Variants in SHC3 observed in about 807,000 individuals in gnomAD.
SHC3 encodes the protein SHC-transforming protein 3.
In SHC3, 15 loss-of-function variants were observed where a neutral mutation model predicts 60.4. The ratio of observed to expected loss-of-function variants is 0.25; its 90% CI spans 0.17 to 0.38. SHC3 has a LOEUF of 0.38. Among genes scored for constraint, SHC3 ranks in the 10% least tolerant of loss-of-function variants. The pLI, the probability that SHC3 is intolerant of heterozygous loss-of-function variation, is 1.00. For missense variants in SHC3, 677 were observed against 786.1 expected, an observed-to-expected ratio of 0.86 and a Z score of 1.66; for synonymous variants, 294 against 325.9, an observed-to-expected ratio of 0.90 and a Z score of 1.05.
At chr9:89,046,817 A>C in intron 8 of SHC3, 27 bp downstream of exon 8, 1 of 1,489,654 alleles carries the variant, frequency 6.7e-7, no homozygotes, top group Non-Finnish European at 8.9e-7. Context: ...TCCATTCCTT[A>C]TATAAGAAAA....
At chr9:89,037,840 A>T (rs184440876) in intron 11 of SHC3, among the ~76,000 whole-genome samples, 153 bp downstream of exon 11, 21 of 152,316 alleles carry the variant, frequency 1.4e-4, no homozygotes, top group Non-Finnish European at 2.5e-4. Flanking sequence ...TGGCCTGATG[A>T]CAGGAGTTGT....
intron 2 of SHC3, among the ~76,000 whole-genome samples, chr9:89,091,586 T>C (rs907305926): frequency 1.3e-5 from 2 of 152,222 alleles, no homozygotes; most frequent in African/African-American, 4.8e-5. Flanking sequence ...ATGGATGCAC[T>C]CTAATAAAAC....
At chr9:89,040,586 C>T (rs1410162377) in intron 10 of SHC3, among the ~76,000 whole-genome samples, 1 of 152,166 alleles carries the variant, frequency 6.6e-6, no homozygotes, top group Non-Finnish European at 1.5e-5. Flanking sequence ...TCTAACCAGA[C>T]ATGGAACTAT....
At chr9:89,081,613 C>G (rs117426627) in intron 2 of SHC3, among the ~76,000 whole-genome samples, 1 of 152,082 alleles carries the variant, frequency 6.6e-6, no homozygotes, top group African/African-American at 2.4e-5. Context: ...GAATATCCCA[C>G]CCCCCTAGTC....
At chr9:89,117,360 AT>A (rs1206237583) in intron 1 of SHC3, among the ~76,000 whole-genome samples, 1 of 152,120 alleles carries the variant, frequency 6.6e-6, no homozygotes, top group East Asian at 1.9e-4. Flanking sequence ...AAAGTAACTC[AT>A]TTTGTTTTAG....
chr9:89,048,037 A>G (rs1346491989), intron 7 of SHC3, among the ~76,000 whole-genome samples: 3 of 152,160 alleles, frequency 2.0e-5, no homozygotes, highest in African/African-American at 7.2e-5. Flanking sequence ...TGAGGTCAGG[A>G]GTTCAAGACC....
intron 11 of SHC3, among the ~76,000 whole-genome samples, chr9:89,026,299 C>T (rs1826300783): frequency 6.7e-6 from 1 of 150,194 alleles, no homozygotes. Flanking sequence ...GAAACATCTA[C>T]AGTCTTTTCT....
At chr9:89,122,213 A>G (rs1408774148) in intron 1 of SHC3, among the ~76,000 whole-genome samples, 1 of 152,240 alleles carries the variant, frequency 6.6e-6, no homozygotes, top group Non-Finnish European at 1.5e-5. Flanking sequence ...CAGAACAGCA[A>G]TACCATTGCA....
rs541512815 is a variant in SHC3 at position 89,048,160 on chromosome 9, C to A, written c.963-1166G>T. On this transcript the variant is annotated intron_variant, in intron 7 of 11. Coordinates refer to ENST00000375835, the MANE Select transcript of SHC3 (RefSeq NM_016848.6). ...TCGGGAGGCTGAGACGAGAGAATTG[C>A]TTGAACCCGGGAGGTGGATGTTGCA... Among the ~76,000 whole-genome samples the A allele has an allele frequency of 3.3e-5, 5 of 150,810 alleles. No homozygotes were observed. In the East Asian group the frequency reaches 9.9e-4, roughly 30 times the overall value.
intron 6 of SHC3, among the ~76,000 whole-genome samples, chr9:89,062,269 T>C (rs928126909): frequency 2.0e-5 from 3 of 152,190 alleles, no homozygotes; most frequent in Admixed American, 2.0e-4. Flanking sequence ...TTGTTGGGAA[T>C]TGCATCCCTA....
intron 1 of SHC3, among the ~76,000 whole-genome samples, chr9:89,152,232 C>T (rs1826555420): frequency 6.6e-6 from 1 of 152,216 alleles, no homozygotes; most frequent in African/African-American, 2.4e-5. Flanking sequence ...GGAGAATCCA[C>T]AGTCCTGTGA....
chr9:89,051,025 T>C (rs1225782668), intron 7 of SHC3, among the ~76,000 whole-genome samples: 1 of 152,130 alleles, frequency 6.6e-6, no homozygotes, highest in Non-Finnish European at 1.5e-5. Flanking sequence ...CCAAAATGAA[T>C]GTCTTAAACG....
chr9:89,124,222 A>G (rs1389771918), intron 1 of SHC3, among the ~76,000 whole-genome samples: 1 of 152,224 alleles, frequency 6.6e-6, no homozygotes, highest in Non-Finnish European at 1.5e-5. Flanking sequence ...AGAAATAGGA[A>G]CACTTTCACA....
At chr9:89,076,927 C>T (rs139363501) in intron 3 of SHC3, among the ~76,000 whole-genome samples, 286 of 152,094 alleles carry the variant, frequency 1.9e-3, no homozygotes, top group Middle Eastern at 0.01. Flanking sequence ...ACCTGTAATC[C>T]CAACACTTTG....
chr9:89,044,709 G>C (rs552979104), intron 9 of SHC3, among the ~76,000 whole-genome samples: 1 of 152,318 alleles, frequency 6.6e-6, no homozygotes, highest in East Asian at 1.9e-4. Context: ...AGAGAATAAA[G>C]ACTTATGTGA....
chr9:89,143,807 G>A (rs946552140), intron 1 of SHC3, among the ~76,000 whole-genome samples: 9 of 152,068 alleles, frequency 5.9e-5, no homozygotes, highest in African/African-American at 9.7e-5. Flanking sequence ...GGCCTTTTTC[G>A]GGGTTAGTGT....
chr9:89,031,263 C>G (rs1424399800), intron 11 of SHC3, among the ~76,000 whole-genome samples: 1 of 152,186 alleles, frequency 6.6e-6, no homozygotes. Context: ...ACACCACATT[C>G]ATTTAAGGTG....
At chr9:89,056,333 G>A (rs57846626) in intron 6 of SHC3, among the ~76,000 whole-genome samples, 1 of 152,074 alleles carries the variant, frequency 6.6e-6, no homozygotes, top group African/African-American at 2.4e-5. Context: ...TGCAACCTCA[G>A]CCTCCTGGGT....
intron 6 of SHC3, among the ~76,000 whole-genome samples, chr9:89,059,568 C>T (rs72498543): frequency 0.59 from 77,746 of 132,684 alleles, 22,207 homozygotes; most frequent in East Asian, 0.98. Context: ...TGGTGGAGGA[C>T]GTGGTGGAGG....
Sources: gnomAD v4.1 joint callset for allele counts (sites outside exome capture counted in the v4.1 genomes callset) on GRCh38, gnomAD v4.1.1 for gene constraint, MANE v1.5 for transcripts, NCBI Gene and HGNC (gene_info 2026-07-23, HGNC 2026-07-21) for gene names.